The following FOXJ3 variants were observed in gnomAD, a reference collection of about 807,000 sequenced individuals.
The protein encoded by FOXJ3 is forkhead box J3.
A neutral mutation model predicts 76.1 loss-of-function variants in FOXJ3; 22 were observed. The observed-to-expected ratio is 0.29, with a 90% CI of 0.21 to 0.41. The LOEUF (loss-of-function observed/expected upper bound fraction) is 0.41. FOXJ3 is among the 10% of genes least tolerant of loss of function. FOXJ3 has a pLI of 1.00. For synonymous variants in FOXJ3, 269 were observed against 261.2 expected, an observed-to-expected ratio of 1.03 and a Z score of -0.29; for missense variants, 613 against 762.1, an observed-to-expected ratio of 0.80 and a Z score of 2.30.
At chr1:42,299,279 C>G (rs1653979693) in intron 2 of FOXJ3, among the ~76,000 whole-genome samples, 1 of 151,906 alleles carries the variant, frequency 6.6e-6, no homozygotes. Context: ...ATTTATGAAT[C>G]TGGGTGCTCT....
At chr1:42,194,167 A>T (rs1331940735) in intron 8 of FOXJ3, among the ~76,000 whole-genome samples, 1 of 152,226 alleles carries the variant, frequency 6.6e-6, no homozygotes, top group Non-Finnish European at 1.5e-5. Context: ...TAATGTGCCA[A>T]ACAAACAAGT....
intron 4 of FOXJ3, among the ~76,000 whole-genome samples, chr1:42,234,824 C>A (rs1648467041): frequency 2.0e-5 from 3 of 152,144 alleles, no homozygotes; most frequent in African/African-American, 7.2e-5. Context: ...GGGTGCCTCC[C>A]AGTTAGGCTA....
At chr1:42,183,312 G>GGAGGGGAGGGGAGGGGAGGA (rs1293925785) in intron 11 of FOXJ3, among the ~76,000 whole-genome samples, 2 of 4,658 alleles carry the variant, frequency 4.3e-4, no homozygotes, top group Admixed American at 1.9e-3. Flanking sequence ...GCGGGGTGGG[G>GGAGGGGAGGGGAGGGGAGGA]GAGGGGAGGG....
intron 2 of FOXJ3, among the ~76,000 whole-genome samples, chr1:42,297,604 G>A (rs989584192): frequency 1.3e-5 from 2 of 152,132 alleles, no homozygotes; most frequent in Non-Finnish European, 2.9e-5. Flanking sequence ...TGCATCCCTG[G>A]AATAAAACCC....
At chr1:42,276,261 C>T (rs574434121) in intron 3 of FOXJ3, among the ~76,000 whole-genome samples, 4 of 151,536 alleles carry the variant, frequency 2.6e-5, no homozygotes, top group Non-Finnish European at 2.9e-5. Context: ...GAGGCTGAGG[C>T]GGGAGAATTG....
chr1:42,291,973 G>A (rs945034887), intron 2 of FOXJ3, among the ~76,000 whole-genome samples: 3 of 152,176 alleles, frequency 2.0e-5, no homozygotes, highest in Non-Finnish European at 4.4e-5. Context: ...ACGGGAGCAG[G>A]CTCAGGGTCC....
Position 42,195,012 on chromosome 1 carries a change from G to A in FOXJ3, c.812C>T (p.Pro271Leu). 1 of 1,612,694 alleles carries A rather than the reference G, an allele frequency of 6.2e-7. No homozygotes were observed. Among genetic ancestry groups the A allele is most frequent in the South Asian group, 1.1e-5 (1 of 90,766 alleles). ...VSQSLTPQQQ[P>L]QYNLPERDKQ... ...GTCTCTTTCTGGAAGGTTGTACTGT[G>A]GTTGCTGCTGAGGAGTTAATGATTG... The change falls in exon 8 of 13, where the codon CCA becomes CTA. Residue 271 changes from proline to leucine, a missense_variant. Physicochemically the swap from Pro to Leu is moderately conservative, Grantham distance 98 (BLOSUM62 -3). Coordinates refer to ENST00000361346, the MANE Select transcript of FOXJ3 (RefSeq NM_014947.5).
At chr1:42,312,973 C>A (rs1405251876) in intron 1 of FOXJ3, among the ~76,000 whole-genome samples, 2 of 152,190 alleles carry the variant, frequency 1.3e-5, no homozygotes, top group Non-Finnish European at 2.9e-5. Context: ...ACTGTGACAG[C>A]AGTGCAAGGG....
intron 9 of FOXJ3, among the ~76,000 whole-genome samples, chr1:42,190,259 C>A (rs1490031873): frequency 6.6e-6 from 1 of 152,172 alleles, no homozygotes; most frequent in Non-Finnish European, 1.5e-5. Context: ...AGGACCTCCC[C>A]CGGATGGATG....
In FOXJ3 at chr1:42,285,782, G is replaced by C. The variant is rs114715854; in HGVS notation, c.45-7110C>G. 4.7e-3 allele frequency among the ~76,000 whole-genome samples: 712 copies of C among 152,322 alleles called. 7 individuals carry two copies. The highest frequency in any genetic ancestry group is 0.017 in the African/African-American group (687 of 41,570). On this transcript the variant is annotated intron_variant, in intron 2 of 12. Coordinates refer to ENST00000361346, the MANE Select transcript of FOXJ3 (RefSeq NM_014947.5). ...CCACTCCTATCCAGCAGGATTTTAT[G>C]ATCAATATGGACTAGTGACTACTGA...
At chr1:42,268,777 C>T (rs558686003) in intron 3 of FOXJ3, among the ~76,000 whole-genome samples, 186 of 152,252 alleles carry the variant, frequency 1.2e-3, no homozygotes, top group African/African-American at 3.9e-3. Context: ...TGAATATCTG[C>T]GTCCCCTCAA....
chr1:42,262,576 C>T (rs1651125619), intron 4 of FOXJ3, among the ~76,000 whole-genome samples: 2 of 152,132 alleles, frequency 1.3e-5, no homozygotes, highest in Non-Finnish European at 2.9e-5. Flanking sequence ...TGGCCAGGTG[C>T]GGCAGCTCAC....
intron 12 of FOXJ3, among the ~76,000 whole-genome samples, 180 bp downstream of exon 12, chr1:42,181,737 G>A (rs534595334): frequency 2.0e-5 from 3 of 152,180 alleles, no homozygotes; most frequent in South Asian, 2.1e-4. Flanking sequence ...GAAAGCTAAC[G>A]CTTCTCAATA....
chr1:42,210,904 C>A (rs1646954182), intron 5 of FOXJ3, among the ~76,000 whole-genome samples: 1 of 152,132 alleles, frequency 6.6e-6, no homozygotes, highest in African/African-American at 2.4e-5. Context: ...AATAGTCTGG[C>A]CCTCAGGGAC....
At position 42,179,372 on chromosome 1, in the gene FOXJ3, T is replaced by C. The variant is rs1372076115; in HGVS notation, c.*338A>G. 3 of 169,952 alleles carry C rather than the reference T, an allele frequency of 1.8e-5. No homozygotes were observed. The highest frequency in any genetic ancestry group is 3.8e-5 in the Non-Finnish European group (3 of 79,294). 10.5% of individuals were successfully genotyped at this position (169,952 alleles called of 1,614,324 possible). A position where few individuals can be genotyped will look rare whatever the true frequency, so the allele number is the denominator to read the frequency against. ...ATATTTACACATATGTATCTTTATA[T>C]AAACTGCTTGCAGCAAAATAGGCTC... On this transcript the variant is annotated 3_prime_UTR_variant, in exon 13 of 13. Transcript: ENST00000361346.
intron 1 of FOXJ3, among the ~76,000 whole-genome samples, chr1:42,316,920 G>A (rs746566636): frequency 5.3e-5 from 8 of 152,282 alleles, no homozygotes; most frequent in Non-Finnish European, 1.0e-4. Context: ...ATTGGGTACA[G>A]TGTACACTGG....
At chr1:42,197,491 C>A (rs1479226846) in intron 7 of FOXJ3, among the ~76,000 whole-genome samples, 1 of 152,010 alleles carries the variant, frequency 6.6e-6, no homozygotes, top group Non-Finnish European at 1.5e-5. Context: ...TTGGTATCCA[C>A]GAGGGACTGG....
At chr1:42,211,275 C>T (rs1008645454) in intron 5 of FOXJ3, among the ~76,000 whole-genome samples, 2 of 152,070 alleles carry the variant, frequency 1.3e-5, no homozygotes, top group Admixed American at 1.3e-4. Context: ...GGAGGTGTGC[C>T]CTCCAGATTC....
intron 1 of FOXJ3, among the ~76,000 whole-genome samples, chr1:42,325,322 T>C (rs1655763885): frequency 6.6e-6 from 1 of 152,228 alleles, no homozygotes. Context: ...AAGCCATCTA[T>C]TCATATCCCT....
Sources: allele counts gnomAD v4.1 joint callset (sites outside exome capture counted in the v4.1 genomes callset), GRCh38; gene constraint gnomAD v4.1.1; transcripts MANE v1.5; gene names NCBI Gene and HGNC (gene_info 2026-07-23, HGNC 2026-07-21).